Variants in PIWIL4 observed in about 807,000 individuals in gnomAD.
PIWIL4 encodes piwi like RNA-mediated gene silencing 4, also known as piwi-like protein 4.
PIWIL4 carries 50 observed loss-of-function variants against 100.9 expected under a neutral mutation model. That is an observed-to-expected ratio of 0.50 (90% CI 0.39 to 0.63). The LOEUF is 0.63. Among genes scored for constraint, PIWIL4 ranks in the 20% least tolerant of loss-of-function variants. The pLI is 0.00. For synonymous variants in PIWIL4, 342 were observed against 367.5 expected (o/e 0.93, Z 0.79); for missense variants, 887 against 1,043.3 (o/e 0.85, Z 2.06).
At position 94,583,553 on chromosome 11, in the gene PIWIL4, A is replaced by G; in HGVS notation, c.619A>G (p.Asn207Asp). ...TTCTCCCGTGTGCATCCAGGTCTTC[A>G]ATATCATCTTCAGAAAGTAAGGCAC... is the stretch of plus-strand genomic sequence containing the variant. ...SSSPVCIQVF[N>D]IIFRKILKKL... The change falls in exon 5 of 20, where the codon AAT becomes GAT. Residue 207 changes from asparagine to aspartate, a missense_variant. This residue lies in a region of PIWIL4 where 741 missense variants were observed against 930.0 expected (regional missense o/e 0.80). Coordinates refer to ENST00000299001, the MANE Select transcript of PIWIL4 (RefSeq NM_152431.3). The G allele has an allele frequency of 6.2e-7, 1 of 1,614,078 alleles. No homozygotes were observed. Among genetic ancestry groups the G allele is most frequent in the South Asian group, 1.1e-5 (1 of 91,088 alleles).
At chr11:94,599,360 G>T (rs1019960057) in intron 11 of PIWIL4, among the ~76,000 whole-genome samples, 1 of 152,204 alleles carries the variant, frequency 6.6e-6, no homozygotes, top group Non-Finnish European at 1.5e-5. Flanking sequence ...GAGGTAGCAG[G>T]TGTCTAAGAT....
intron 10 of PIWIL4, 70 bp from the exon 11 acceptor site, chr11:94,597,734 C>A: frequency 4.6e-6 from 5 of 1,075,372 alleles, no homozygotes; most frequent in Non-Finnish European, 4.1e-6. Context: ...CACAGAAAAT[C>A]AGCCCCTGAC....
At chr11:94,583,714 C>A in intron 5 of PIWIL4, 145 bp downstream of exon 5, 1 of 1,102,792 alleles carries the variant, frequency 9.1e-7, no homozygotes, top group Non-Finnish European at 1.3e-6. Context: ...CCTTCTCCTA[C>A]ATGAACAATA....
At chr11:94,610,577 C>A (rs975198602) in intron 15 of PIWIL4, among the ~76,000 whole-genome samples, 1 of 152,080 alleles carries the variant, frequency 6.6e-6, no homozygotes, top group African/African-American at 2.4e-5. Context: ...TTTTGATTTG[C>A]ATTTCCTTGA....
chr11:94,610,105 C>T (rs942451014), intron 15 of PIWIL4, among the ~76,000 whole-genome samples: 3 of 152,112 alleles, frequency 2.0e-5, no homozygotes, highest in African/African-American at 7.2e-5. Context: ...TTAGATACCA[C>T]ATATAAGTGA....
In PIWIL4 at chr11:94,567,594, G is replaced by C. The variant is rs1019462896; in HGVS notation, c.76G>C (p.Ala26Pro). The C allele has an allele frequency of 6.2e-7, 1 of 1,604,788 alleles. No homozygotes were observed. Among genetic ancestry groups the C allele is most frequent in the Non-Finnish European group, 8.5e-7 (1 of 1,175,684 alleles). ...PSATEVGRIQ[A>P]SPLPRSVDLS... ...TGCCACAGAAGTGGGGCGCATCCAA[G>C]CCTCGCCATTGGTGTGTAGAATGCT... Residue 26 changes from alanine (A) to proline (P), a missense_variant, in exon 1 of 20, where the codon GCC becomes CCC. Physicochemically the swap from Ala to Pro is conservative, Grantham distance 27. Transcript: ENST00000299001.
intron 19 of PIWIL4, 124 bp downstream of exon 19, chr11:94,620,268 T>A: frequency 1.0e-6 from 1 of 995,010 alleles, no homozygotes; most frequent in South Asian, 1.9e-5. Flanking sequence ...AAAGAAGGAA[T>A]GAATGAATGA....
Position 94,569,227 on chromosome 11 carries a change from A to G in PIWIL4, c.166+419A>G, listed in dbSNP as rs1282684411. 2.0e-5 allele frequency among the ~76,000 whole-genome samples: 3 copies of G among 152,242 alleles called. No homozygotes were observed. In the East Asian group the frequency reaches 5.8e-4, roughly 29 times the overall value. Reference sequence around the variant, plus strand: ...ACTATTCACAATAGCAAAGATATAAAATCAACTTAAGCATCCATCGATGGA... The same window carrying G: ...ACTATTCACAATAGCAAAGATATAAGATCAACTTAAGCATCCATCGATGGA... On this transcript the variant is annotated intron_variant, in intron 2 of 19. Transcript: ENST00000299001.
intron 2 of PIWIL4, 129 bp from the exon 3 acceptor site, chr11:94,574,870 T>C (rs921189296): frequency 1.1e-6 from 1 of 913,950 alleles, no homozygotes; most frequent in Non-Finnish European, 1.7e-6. Flanking sequence ...TCATGAATGG[T>C]TTCAGCAATA....
Position 94,617,982 on chromosome 11 carries a change from T to C in PIWIL4, c.2043T>C (p.Asn681=), listed in dbSNP as rs144624654. Residue 681 remains asparagine (N), a synonymous_variant, in exon 17 of 20, where the codon AAT becomes AAC. Transcript: ENST00000299001. Reference sequence around the variant, plus strand: ...CACTCAACAAATGGTACAAGTACAATCATGATTTGCCAGCACGGATAATTG... The same window carrying C: ...CACTCAACAAATGGTACAAGTACAACCATGATTTGCCAGCACGGATAATTG... ...TGALNKWYKY[N]HDLPARIIVY... is the part of the protein sequence containing the mutation. 24 of 1,613,740 alleles carry C rather than the reference T, an allele frequency of 1.5e-5. No homozygotes were observed. The African/African-American group carries it at 2.9e-4, about 20-fold the overall frequency.
Position 94,587,262 on chromosome 11 carries a change from C to G in PIWIL4, c.914+15C>G, listed in dbSNP as rs745419969. On this transcript the variant is annotated intron_variant, in intron 7 of 19. Coordinates refer to ENST00000299001, the MANE Select transcript of PIWIL4 (RefSeq NM_152431.3). ...GTCCTTACAAGGTACAAGCCTGCGT[C>G]TAAATAAACTTTTCTTCAGAAATCA... 1 of 1,598,878 alleles carries G rather than the reference C, an allele frequency of 6.3e-7. No homozygotes were observed. The highest frequency in any genetic ancestry group is 8.5e-7 in the Non-Finnish European group (1 of 1,171,500).
At position 94,576,354 on chromosome 11, in the gene PIWIL4, G is replaced by A. The variant is rs1476233676; in HGVS notation, c.299-924G>A. Among the ~76,000 whole-genome samples, 7 of 152,000 alleles carry A rather than the reference G, an allele frequency of 4.6e-5. No individual in the cohort carries two copies. In the East Asian group the frequency reaches 9.6e-4, roughly 21 times the overall value. The stretch of plus-strand genomic sequence containing the variant: ...TTGCCAGGTTGGCCAGGCTGGTCTC[G>A]AACTCCTGGCCTCAAGCAATCCACC... On this transcript the variant is annotated intron_variant, in intron 3 of 19. Coordinates refer to ENST00000299001, the MANE Select transcript of PIWIL4 (RefSeq NM_152431.3).
intron 15 of PIWIL4, among the ~76,000 whole-genome samples, chr11:94,614,227 C>T (rs1212390149): frequency 2.6e-5 from 4 of 151,342 alleles, no homozygotes; most frequent in African/African-American, 9.7e-5. Flanking sequence ...CACAAATCTC[C>T]ATTTCTTTGA....
chr11:94,608,839 G>A (rs564270594), intron 15 of PIWIL4, among the ~76,000 whole-genome samples, 153 bp downstream of exon 15: 63 of 152,306 alleles, frequency 4.1e-4, no homozygotes, highest in African/African-American at 1.5e-3. Flanking sequence ...ATATAAAAAT[G>A]TGATTGATAA....
chr11:94,607,372 C>T (rs959781243), intron 13 of PIWIL4, 67 bp from the exon 14 acceptor site: 41 of 1,417,428 alleles, frequency 2.9e-5, no homozygotes, highest in South Asian at 2.2e-4. Flanking sequence ...GAATTCATTT[C>T]TTTAAAAAGC....
At chr11:94,581,534 G>T (rs1378292217) in intron 4 of PIWIL4, among the ~76,000 whole-genome samples, 1 of 152,180 alleles carries the variant, frequency 6.6e-6, no homozygotes, top group Non-Finnish European at 1.5e-5. Flanking sequence ...GTCCTGCCAA[G>T]GAACAGAGAC....
intron 5 of PIWIL4, among the ~76,000 whole-genome samples, chr11:94,585,012 C>G (rs1242097590): frequency 6.6e-6 from 1 of 152,180 alleles, no homozygotes; most frequent in African/African-American, 2.4e-5. Flanking sequence ...TTGCAGTGAG[C>G]TGAGATCACG....
At chr11:94,598,959 C>A (rs2135278737) in intron 11 of PIWIL4, among the ~76,000 whole-genome samples, 1 of 152,308 alleles carries the variant, frequency 6.6e-6, no homozygotes, top group Non-Finnish European at 1.5e-5. Context: ...CCTCCCACCT[C>A]AGCCTCTCAA....
intron 4 of PIWIL4, among the ~76,000 whole-genome samples, chr11:94,582,854 C>G (rs909936636): frequency 4.6e-5 from 7 of 151,832 alleles, no homozygotes; most frequent in African/African-American, 1.7e-4. Context: ...CTCATTTATC[C>G]TCTCTCCTTT....
Sources: allele counts gnomAD v4.1 joint callset (sites outside exome capture counted in the v4.1 genomes callset), GRCh38; gene constraint gnomAD v4.1.1; regional missense constraint gnomAD v4.1.1; transcripts MANE v1.5; gene names NCBI Gene and HGNC (gene_info 2026-07-23, HGNC 2026-07-21).